Variants in SLC8B1 observed in about 807,000 individuals in gnomAD.
SLC8B1 encodes mitochondrial sodium/calcium exchanger protein.
A neutral mutation model predicts 63.4 loss-of-function variants in SLC8B1; 52 were observed. That is an observed-to-expected ratio of 0.82 (90% confidence interval 0.66 to 1.03). The LOEUF (loss-of-function observed/expected upper bound fraction) is 1.03, where lower values mean the gene tolerates loss of function less well. SLC8B1 is among the 50% of genes least tolerant of loss of function. The pLI is 0.00. For missense variants in SLC8B1, 657 were observed against 741.7 expected, an observed-to-expected ratio of 0.89 and a Z score of 1.33; for synonymous variants, 336 against 323.9, an observed-to-expected ratio of 1.04 and a Z score of -0.40.
At chr12:113,327,271 C>T (rs1000935195) in intron 2 of SLC8B1, among the ~76,000 whole-genome samples, 1 of 152,190 alleles carries the variant, frequency 6.6e-6, no homozygotes, top group Non-Finnish European at 1.5e-5. Flanking sequence ...GCTCCCTCTA[C>T]TGAGCCCTCC....
In SLC8B1 at chr12:113,307,568, T is replaced by C; in HGVS notation, c.1411+123A>G. The C allele has an allele frequency of 3.3e-5, 41 of 1,224,782 alleles. No individual in the cohort carries two copies. The South Asian group carries it at 6.4e-4, about 19-fold the overall frequency. 75.9% of individuals were successfully genotyped at this position (1,224,782 alleles called of 1,614,324 possible). A position where few individuals can be genotyped will look rare whatever the true frequency, so the allele number is the denominator to read the frequency against. The stretch of plus-strand genomic sequence containing the variant: ...GCCACTCCACAGTGACAGGGGACAC[T>C]GCACAGGTGCAGAGGGCAGACACCC... On this transcript the variant is annotated intron_variant, in intron 13 of 15. Transcript: ENST00000680972.
In SLC8B1 at chr12:113,306,066, CAAAAAAAAAAAAA is replaced by C. The variant is rs60824560; in HGVS notation, c.1492+416_1492+428del. On this transcript the variant is annotated intron_variant, in intron 14 of 15. Transcript: ENST00000680972. ...CGAGCCAGACTCCGTCCCCACCCTG[CAAAAAAAAAAAAA>C]AAAAAAAAAAAAAAAGAATTCTCTG... 8.8e-4 allele frequency among the ~76,000 whole-genome samples: 16 copies of C among 18,100 alleles called. 1 individual carries two copies. Among genetic ancestry groups the C allele is most frequent in the East Asian group, 3.8e-3 (2 of 530 alleles). 11.9% of individuals were successfully genotyped at this position (18,100 alleles called of 152,430 possible).
In SLC8B1 at chr12:113,332,949, G is replaced by A. The variant is rs888774220; in HGVS notation, c.-71C>T. On this transcript the variant is annotated 5_prime_UTR_variant, in exon 2 of 16. Coordinates refer to ENST00000680972, the MANE Select transcript of SLC8B1 (RefSeq NM_001358345.2). ...AGTAGCTCAGTTCCAAACAGCTGGC[G>A]GCTCCGGTGGCCTGCAAGGTGGGAG... is the stretch of plus-strand genomic sequence containing the variant. 67 of 1,563,650 alleles carry A rather than the reference G, an allele frequency of 4.3e-5. No homozygotes were observed. Among genetic ancestry groups the A allele is most frequent in the Admixed American group, 3.5e-4 (19 of 54,582 alleles).
intron 12 of SLC8B1, among the ~76,000 whole-genome samples, chr12:113,309,147 G>A (rs980044893): frequency 6.6e-6 from 1 of 151,664 alleles, no homozygotes; most frequent in Admixed American, 6.6e-5. Flanking sequence ...GAGCCACCAC[G>A]CCCAGCCAAA....
In SLC8B1 at chr12:113,298,941, C is replaced by T. The variant is rs1483571451; in HGVS notation, c.*836G>A. ...TCCCCTCATCTGTCCTTTCCCAGCT[C>T]GCAGGCCTTGGAACCCCGCCCAGGG... On this transcript the variant is annotated 3_prime_UTR_variant, in exon 16 of 16. Coordinates refer to ENST00000680972, the MANE Select transcript of SLC8B1 (RefSeq NM_001358345.2). 2.0e-5 allele frequency: 3 copies of T among 152,312 alleles called. No homozygotes were observed. The highest frequency in any genetic ancestry group is 4.4e-5 in the Non-Finnish European group (3 of 68,096). The allele number at this position is 152,312 out of a possible 1,614,324, so 9.4% of individuals were successfully genotyped here.
chr12:113,333,655 C>T (rs762769004), intron 1 of SLC8B1, among the ~76,000 whole-genome samples: 1 of 151,924 alleles, frequency 6.6e-6, no homozygotes, highest in African/African-American at 2.4e-5. Flanking sequence ...GTCACCCCCC[C>T]GCCCCCCACC....
chr12:113,303,328 G>A (rs746716799), intron 15 of SLC8B1, among the ~76,000 whole-genome samples: 1 of 152,286 alleles, frequency 6.6e-6, no homozygotes, highest in South Asian at 2.1e-4. Flanking sequence ...GTAGCTGTTT[G>A]CTTGTGGGCA....
At chr12:113,306,461 A>G in intron 14 of SLC8B1, 34 bp downstream of exon 14, 1 of 1,548,258 alleles carries the variant, frequency 6.5e-7, no homozygotes, top group East Asian at 2.3e-5. Flanking sequence ...CTGTGACACC[A>G]GTGCTAAGGC....
chr12:113,321,814 A>G (rs1956936327), intron 2 of SLC8B1, among the ~76,000 whole-genome samples: 1 of 151,514 alleles, frequency 6.6e-6, no homozygotes, highest in African/African-American at 2.4e-5. Flanking sequence ...ACCTTAATAT[A>G]CAGAATTTGA....
In SLC8B1 at chr12:113,310,317, C is replaced by A. The variant is rs1956740237; in HGVS notation, c.1174G>T (p.Val392Phe). Residue 392 changes from valine to phenylalanine, a missense_variant, in exon 12 of 16, where the codon GTC (valine) becomes TTC (phenylalanine). Physicochemically the swap from Val to Phe is conservative, Grantham distance 50. Transcript: ENST00000680972. ...GCTGTGCCTGCGATCACCACCACGA[C>A]CCAGACGGGAACGAGGCCGCCTATC... ...YEIGGLVPVW[V>F]VVVIAGTALA... is the part of the protein sequence containing the mutation. 8.1e-6 allele frequency: 13 copies of A among 1,614,072 alleles called. No homozygotes were observed. Among genetic ancestry groups the A allele is most frequent in the Non-Finnish European group, 1.0e-5 (12 of 1,180,008 alleles).
In SLC8B1 at chr12:113,303,141, A is replaced by ACACACACACACACACACG. The variant is rs773636454; in HGVS notation, c.1557+1179_1557+1180insCGTGTGTGTGTGTGTGTG. 7.6e-3 allele frequency among the ~76,000 whole-genome samples: 1,107 copies of ACACACACACACACACACG among 145,664 alleles called. 13 individuals are homozygous for ACACACACACACACACACG. The highest frequency in any genetic ancestry group is 0.024 in the African/African-American group (924 of 38,082). The stretch of plus-strand genomic sequence containing the variant: ...CACACACACACACACACACACACAC[A>ACACACACACACACACACG]CGCGCGCGCACAGGAGAAAAGAGGA... On this transcript the variant is annotated intron_variant, in intron 15 of 15. Coordinates refer to ENST00000680972, the MANE Select transcript of SLC8B1 (RefSeq NM_001358345.2).
At chr12:113,304,039 C>G (rs1566223352) in intron 15 of SLC8B1, among the ~76,000 whole-genome samples, 1 of 152,164 alleles carries the variant, frequency 6.6e-6, no homozygotes, top group Admixed American at 6.5e-5. Context: ...CACCACCACA[C>G]CTGACTAATT....
chr12:113,316,597 C>T lies in SLC8B1; in HGVS notation c.922G>A (p.Ala308Thr). 4 of 1,614,216 alleles carry T rather than the reference C, an allele frequency of 2.5e-6. No individual in the cohort carries two copies. The highest frequency in any genetic ancestry group is 3.4e-6 in the Non-Finnish European group (4 of 1,180,042). ...QETTAQILVR[A>T]LNPLDYMKWR... is the part of the protein sequence containing the mutation. The stretch of plus-strand genomic sequence containing the variant: ...TTCATGTAATCCAGGGGATTGAGGG[C>T]CCGGACCAGGATCTGAGCCGTGGTC... Residue 308 changes from alanine to threonine, a missense_variant, in exon 10 of 16, where the codon GCC becomes ACC. Transcript: ENST00000680972.
Position 113,310,365 on chromosome 12 carries a change from G to T in SLC8B1, c.1136-10C>A. 1 of 1,610,808 alleles carries T rather than the reference G, an allele frequency of 6.2e-7. No individual in the cohort carries two copies. Among genetic ancestry groups the T allele is most frequent in the South Asian group, 1.1e-5 (1 of 90,588 alleles). ...ATCTCATAGACACCATCTGCAAAGG[G>T]AGAGAAAGGGAGCTGATACCTTCCC... On this transcript the variant is annotated splice_polypyrimidine_tract_variant and intron_variant, in intron 11 of 15. Coordinates refer to ENST00000680972, the MANE Select transcript of SLC8B1 (RefSeq NM_001358345.2).
chr12:113,316,918 G>T, intron 9 of SLC8B1, 24 bp downstream of exon 9: 1 of 1,610,952 alleles, frequency 6.2e-7, no homozygotes, highest in Non-Finnish European at 8.5e-7. Flanking sequence ...CGCCACCCTG[G>T]CTGGGCACAG....
At chr12:113,311,086 G>A (rs752317313) in intron 11 of SLC8B1, among the ~76,000 whole-genome samples, 2 of 152,184 alleles carry the variant, frequency 1.3e-5, no homozygotes, top group African/African-American at 2.4e-5. Flanking sequence ...AGGCCACAGC[G>A]TGCAGATCGC....
In SLC8B1 at chr12:113,320,444, G is replaced by A; in HGVS notation, c.581C>T (p.Pro194Leu). The change falls in exon 7 of 16, where the codon CCC becomes CTC. Residue 194 changes from proline (P) to leucine (L), a missense_variant. Coordinates refer to ENST00000680972, the MANE Select transcript of SLC8B1 (RefSeq NM_001358345.2). The surrounding 1 kb of genome is among the most constrained non-coding windows in gnomAD (Gnocchi z 5.3). ...GAAGGGCCTGGAGGCAGCCATGAAG[G>A]GGTGTAGGATGGTAATGCCTCCGGC... Reference protein sequence around the residue: ...VVAGGITILHPFMAASRPFFR... With the variant: ...VVAGGITILHLFMAASRPFFR... 1.2e-6 allele frequency: 2 copies of A among 1,614,174 alleles called. No individual in the cohort carries two copies. The highest frequency in any genetic ancestry group is 1.7e-6 in the Non-Finnish European group (2 of 1,180,024).
chr12:113,324,329 A>AC (rs1956969302), intron 2 of SLC8B1, among the ~76,000 whole-genome samples: 2 of 143,094 alleles, frequency 1.4e-5, no homozygotes, highest in African/African-American at 5.2e-5. Flanking sequence ...ACAAACAAAC[A>AC]AAAAAAAAAA....
In SLC8B1 at chr12:113,321,272, C is replaced by G. The variant is rs1020138236; in HGVS notation, c.233G>C (p.Gly78Ala). ...IRTNPDCHSD[G>A]GYLDYLEGIF... Reference sequence around the variant, plus strand: ...GCCTTCCAGGTAGTCCAGGTACCCCCCATCACTGTGGCAGTCAGGGTTGGT... The same window carrying G: ...GCCTTCCAGGTAGTCCAGGTACCCCGCATCACTGTGGCAGTCAGGGTTGGT... The change falls in exon 3 of 16, where the codon GGG becomes GCG. Residue 78 changes from glycine to alanine, a missense_variant. Coordinates refer to ENST00000680972, the MANE Select transcript of SLC8B1 (RefSeq NM_001358345.2). 5.0e-6 allele frequency: 8 copies of G among 1,614,038 alleles called. No individual in the cohort carries two copies. Among genetic ancestry groups the G allele is most frequent in the African/African-American group, 2.7e-5 (2 of 74,904 alleles).
Sources: gnomAD v4.1 joint callset for allele counts (sites outside exome capture counted in the v4.1 genomes callset) on GRCh38, gnomAD v4.1.1 for gene constraint, Gnocchi (gnomAD v3.1) non-coding constraint, MANE v1.5 for transcripts, NCBI Gene and HGNC (gene_info 2026-07-23, HGNC 2026-07-21) for gene names.